The following SORCS3 variants were observed in gnomAD, a reference collection of about 807,000 sequenced individuals.
SORCS3 encodes VPS10 domain-containing receptor SorCS3.
Under a neutral mutation model 146.3 loss-of-function variants are expected in SORCS3, and 57 were observed. The observed-to-expected ratio is 0.39, with a 90% confidence interval of 0.31 to 0.49. The LOEUF is 0.49. SORCS3 is among the 20% of genes least tolerant of loss of function. The probability of loss-of-function intolerance (pLI) is 0.92; values close to 1 mark genes in which losing one functional copy is unlikely to be tolerated. For missense variants in SORCS3, 1,341 were observed against 1,575.5 expected, an observed-to-expected ratio of 0.85 and a Z score of 2.52; for synonymous variants, 653 against 618.5, an observed-to-expected ratio of 1.06 and a Z score of -0.83.
At chr10:104,795,447 A>G (rs960009104) in intron 1 of SORCS3, among the ~76,000 whole-genome samples, 8 of 152,234 alleles carry the variant, frequency 5.3e-5, no homozygotes, top group Non-Finnish European at 1.2e-4. Context: ...CAGTCCATTA[A>G]CACTATACAA....
At chr10:105,227,163 T>C (rs2056738195) in intron 20 of SORCS3, among the ~76,000 whole-genome samples, 1 of 152,014 alleles carries the variant, frequency 6.6e-6, no homozygotes, top group Non-Finnish European at 1.5e-5. Flanking sequence ...GAAATCCTTC[T>C]GCTTTTCTGA....
At chr10:105,112,036 T>G (rs931365543) in intron 7 of SORCS3, among the ~76,000 whole-genome samples, 3 of 152,176 alleles carry the variant, frequency 2.0e-5, no homozygotes, top group Non-Finnish European at 4.4e-5. Flanking sequence ...TTTAATTAAA[T>G]CTAGATAATG....
intron 2 of SORCS3, among the ~76,000 whole-genome samples, chr10:104,854,238 C>A (rs2018305286): frequency 6.6e-6 from 1 of 152,066 alleles, no homozygotes; most frequent in Admixed American, 6.5e-5. Context: ...ATTTTTATTT[C>A]TTGTAATGCC....
rs377592125 is a variant in SORCS3, at chr10:105,147,661, G to C, written c.1347G>C (p.Ala449=). ...ISTDENQVFA[A]VQEWNQNDTY... Reference sequence around the variant, plus strand: ...CAGACGAGAACCAAGTATTTGCTGCGGTCCAAGAATGGAACCAGAACGACA... The same window carrying C: ...CAGACGAGAACCAAGTATTTGCTGCCGTCCAAGAATGGAACCAGAACGACA... Residue 449 remains alanine, a synonymous_variant, in exon 9 of 27, where the codon GCG becomes GCC. Transcript: ENST00000369701. The C allele has an allele frequency of 1.2e-6, 2 of 1,612,680 alleles. No homozygotes were observed. Among genetic ancestry groups the C allele is most frequent in the Non-Finnish European group, 1.7e-6 (2 of 1,179,168 alleles).
intron 5 of SORCS3, among the ~76,000 whole-genome samples, chr10:105,083,939 T>C (rs2055641920): frequency 6.6e-6 from 1 of 152,234 alleles, no homozygotes; most frequent in Non-Finnish European, 1.5e-5. Flanking sequence ...TTTCGCCAGC[T>C]AGGAGAGGCA....
rs530383643 is a variant in SORCS3 at position 104,786,465 on chromosome 10, T to C, written c.628-56327T>C. ...CGGGATGCTGAGGCAGGAGAATCGC[T>C]TGGACCCGGGAGGTGGAGGTTGCAG... On this transcript the variant is annotated intron_variant, in intron 1 of 26. Coordinates refer to ENST00000369701, the MANE Select transcript of SORCS3 (RefSeq NM_014978.3). Among the ~76,000 whole-genome samples the C allele has an allele frequency of 4.5e-3, 676 of 151,538 alleles. 7 individuals are homozygous for C. Among genetic ancestry groups the C allele is most frequent in the African/African-American group, 0.016 (652 of 41,264 alleles).
chr10:105,084,952 G>T (rs527574926), intron 5 of SORCS3, among the ~76,000 whole-genome samples: 2 of 151,900 alleles, frequency 1.3e-5, no homozygotes, highest in Non-Finnish European at 2.9e-5. Flanking sequence ...GGATGGTCTC[G>T]ATCTCCTGAC....
intron 4 of SORCS3, among the ~76,000 whole-genome samples, chr10:104,988,754 A>G (rs923230162): frequency 9.2e-5 from 14 of 152,222 alleles, no homozygotes; most frequent in African/African-American, 3.4e-4. Flanking sequence ...AAGGACTAAA[A>G]CAGATATAGT....
Position 105,072,657 on chromosome 10 carries a change from CTCTTTTTTTTTTTTTTTT to C in SORCS3, c.1029-17116_1029-17099del, listed in dbSNP as rs532370192. Among the ~76,000 whole-genome samples, 1,092 of 110,410 alleles carry C rather than the reference CTCTTTTTTTTTTTTTTTT, an allele frequency of 9.9e-3. 29 individuals carry two copies. Among genetic ancestry groups the C allele is most frequent in the African/African-American group, 0.035 (1,033 of 29,784 alleles). The allele number at this position is 110,410 out of a possible 152,430, so 72.4% of individuals were successfully genotyped here. Reference sequence around the variant, plus strand: ...AAACCTTTTCTTTCTTTCTCTCTCTCTCTTTTTTTTTTTTTTTTTTTTTTTTTTTGGTGGTGAGGAGGT... The same window carrying C: ...AAACCTTTTCTTTCTTTCTCTCTCTCTTTTTTTTTTTGGTGGTGAGGAGGT... On this transcript the variant is annotated intron_variant, in intron 5 of 26. Transcript: ENST00000369701.
intron 8 of SORCS3, among the ~76,000 whole-genome samples, chr10:105,145,850 C>A (rs1564766110): frequency 6.6e-6 from 1 of 152,018 alleles, no homozygotes; most frequent in Non-Finnish European, 1.5e-5. Context: ...TAAAAAGATC[C>A]AGAACTTGCT....
chr10:104,828,960 C>T (rs1215689238), intron 1 of SORCS3, among the ~76,000 whole-genome samples: 4 of 152,088 alleles, frequency 2.6e-5, no homozygotes, highest in South Asian at 2.1e-4. Flanking sequence ...GACATTGCTC[C>T]CAGAAAGGAG....
chr10:104,767,916 C>A (rs2017200782), intron 1 of SORCS3, among the ~76,000 whole-genome samples: 1 of 151,450 alleles, frequency 6.6e-6, no homozygotes, highest in African/African-American at 2.4e-5. Context: ...CAATAGGTGC[C>A]ACTCTTTGAA....
intron 7 of SORCS3, among the ~76,000 whole-genome samples, chr10:105,110,837 A>G (rs2055854725): frequency 6.6e-6 from 1 of 152,156 alleles, no homozygotes; most frequent in South Asian, 2.1e-4. Context: ...AATCCTTATT[A>G]TATATTTTCT....
chr10:104,710,393 A>G (rs1309201337), intron 1 of SORCS3, among the ~76,000 whole-genome samples: 3 of 152,198 alleles, frequency 2.0e-5, no homozygotes, highest in Non-Finnish European at 4.4e-5. Context: ...CTATGTATGT[A>G]CCAGGCACTG....
At chr10:104,985,360 A>T (rs2054956128) in intron 4 of SORCS3, among the ~76,000 whole-genome samples, 1 of 152,150 alleles carries the variant, frequency 6.6e-6, no homozygotes, top group Non-Finnish European at 1.5e-5. Context: ...GCAGCAATTT[A>T]GTCACTTCTT....
Position 105,158,873 on chromosome 10 carries a change from A to G in SORCS3, c.1630-19A>G. On this transcript the variant is annotated intron_variant, in intron 10 of 26. Coordinates refer to ENST00000369701, the MANE Select transcript of SORCS3 (RefSeq NM_014978.3). ...GTCTGGAATTTCCTAGAATGAAACT[A>G]TTTCTTTCTCCATTTTAGCCCTTCT... 1 of 1,578,940 alleles carries G rather than the reference A, an allele frequency of 6.3e-7. No individual in the cohort carries two copies. Among genetic ancestry groups the G allele is most frequent in the African/African-American group, 1.3e-5 (1 of 74,226 alleles).
chr10:104,781,449 G>A (rs2017373036), intron 1 of SORCS3, among the ~76,000 whole-genome samples: 1 of 152,220 alleles, frequency 6.6e-6, no homozygotes, highest in Admixed American at 6.5e-5. Flanking sequence ...GAGGTTGAGT[G>A]CATGAGGTAG....
intron 1 of SORCS3, among the ~76,000 whole-genome samples, chr10:104,683,946 A>G (rs1291720059): frequency 6.6e-6 from 1 of 152,224 alleles, no homozygotes; most frequent in African/African-American, 2.4e-5. Flanking sequence ...AGCCTTAGAA[A>G]GCCTGCAAAG....
chr10:105,159,556 C>CT (rs1196637245), intron 11 of SORCS3, among the ~76,000 whole-genome samples: 2 of 152,174 alleles, frequency 1.3e-5, no homozygotes, highest in African/African-American at 4.8e-5. Flanking sequence ...TAAAGCAACT[C>CT]TGAGATGAAA....
Sources: allele counts gnomAD v4.1 joint callset (sites outside exome capture counted in the v4.1 genomes callset), GRCh38; gene constraint gnomAD v4.1.1; transcripts MANE v1.5; gene names NCBI Gene and HGNC (gene_info 2026-07-23, HGNC 2026-07-21).